Variants in ZC3H13 observed in about 807,000 individuals in gnomAD.
The protein encoded by ZC3H13 is zinc finger CCCH domain-containing protein 13.
ZC3H13 carries 64 observed loss-of-function variants against 204.1 expected under a neutral mutation model. The observed-to-expected ratio is 0.31, with a 90% CI of 0.26 to 0.39. ZC3H13 has a LOEUF of 0.39. ZC3H13 is among the 10% of genes least tolerant of loss of function. The pLI is 1.00. For synonymous variants in ZC3H13, 667 were observed against 693.7 expected, an observed-to-expected ratio of 0.96 and a Z score of 0.60; for missense variants, 1,833 against 2,082.7, an observed-to-expected ratio of 0.88 and a Z score of 2.33.
intron 17 of ZC3H13, chr13:45,962,501 T>G: frequency 1.0e-6 from 1 of 984,046 alleles, no homozygotes; most frequent in Non-Finnish European, 1.2e-6. Flanking sequence ...AGTTATTTGC[T>G]TAAGGTCACA....
chr13:45,959,947 ATTT>A, intron 17 of ZC3H13, among the ~76,000 whole-genome samples: 2 of 151,766 alleles, frequency 1.3e-5, no homozygotes, highest in East Asian at 1.9e-4. Context: ...ATTTTAAACA[ATTT>A]ATTTATTTAT....
At chr13:45,959,235 C>G (rs574189693) in intron 18 of ZC3H13, among the ~76,000 whole-genome samples, 1 of 152,148 alleles carries the variant, frequency 6.6e-6, no homozygotes, top group African/African-American at 2.4e-5. Context: ...TTGTTGAAAG[C>G]TTTTCACAAA....
At chr13:46,012,724 A>G (rs991551861) in intron 5 of ZC3H13, among the ~76,000 whole-genome samples, 4 of 152,214 alleles carry the variant, frequency 2.6e-5, no homozygotes, top group African/African-American at 9.6e-5. Flanking sequence ...CAATTACTAA[A>G]TATTTAATTA....
At chr13:45,967,410 C>A in intron 15 of ZC3H13, 94 bp downstream of exon 15, 4 of 1,405,418 alleles carry the variant, frequency 2.8e-6, no homozygotes, top group Non-Finnish European at 3.8e-6. Flanking sequence ...TCAATTTGCC[C>A]ATTAGTGGGT....
At chr13:46,044,289 A>T (rs1047216102) in intron 3 of ZC3H13, among the ~76,000 whole-genome samples, 6 of 152,172 alleles carry the variant, frequency 3.9e-5, no homozygotes, top group Admixed American at 6.5e-5. Flanking sequence ...TTCTTTACCA[A>T]TCAAGTTAAA....
At chr13:46,007,979 A>G (rs888470368) in intron 7 of ZC3H13, among the ~76,000 whole-genome samples, 1 of 152,222 alleles carries the variant, frequency 6.6e-6, no homozygotes. Flanking sequence ...ACCATATCTC[A>G]TATATCAGGA....
At chr13:45,968,599 G>T in intron 14 of ZC3H13, 149 bp downstream of exon 14, 2 of 954,716 alleles carry the variant, frequency 2.1e-6, no homozygotes, top group Non-Finnish European at 1.5e-6. Flanking sequence ...GTAACATTTT[G>T]ATAGGGCAGC....
At chr13:46,015,742 A>T (rs2041870631) in intron 5 of ZC3H13, among the ~76,000 whole-genome samples, 1 of 152,146 alleles carries the variant, frequency 6.6e-6, no homozygotes, top group African/African-American at 2.4e-5. Flanking sequence ...AGGCGTAGTT[A>T]GAATTTGTAC....
intron 7 of ZC3H13, among the ~76,000 whole-genome samples, chr13:46,008,970 C>T (rs751703567): frequency 5.9e-5 from 9 of 151,994 alleles, no homozygotes; most frequent in Non-Finnish European, 1.2e-4. Flanking sequence ...TATGAGAAGA[C>T]AGAACTATGA....
At chr13:46,017,975 C>A (rs890712750) in intron 5 of ZC3H13, among the ~76,000 whole-genome samples, 3 of 152,032 alleles carry the variant, frequency 2.0e-5, no homozygotes, top group Non-Finnish European at 4.4e-5. Flanking sequence ...ATATAAAAGG[C>A]TCTTGAAATA....
At chr13:46,029,961 A>C (rs964634298) in intron 4 of ZC3H13, among the ~76,000 whole-genome samples, 4 of 152,208 alleles carry the variant, frequency 2.6e-5, no homozygotes, top group Non-Finnish European at 5.9e-5. Context: ...ATGTTATGCA[A>C]ATTAGATATA....
chr13:46,025,415 TC>T (rs2042482447), intron 4 of ZC3H13, among the ~76,000 whole-genome samples: 1 of 152,116 alleles, frequency 6.6e-6, no homozygotes, highest in South Asian at 2.1e-4. Flanking sequence ...CAAGCAATCC[TC>T]CTGCCTCAGC....
intron 4 of ZC3H13, among the ~76,000 whole-genome samples, chr13:46,027,034 A>C (rs985386909): frequency 6.6e-6 from 1 of 152,240 alleles, no homozygotes; most frequent in Admixed American, 6.5e-5. Context: ...CAAATTCAAA[A>C]TCCTAAATGA....
At chr13:46,042,115 A>C (rs752664108) in intron 4 of ZC3H13, 49 bp downstream of exon 4, 4 of 1,416,688 alleles carry the variant, frequency 2.8e-6, no homozygotes, top group Non-Finnish European at 4.0e-6. Flanking sequence ...AACTCAAATT[A>C]ACAAATCACT....
At chr13:46,038,815 GT>G (rs2043374499) in intron 4 of ZC3H13, among the ~76,000 whole-genome samples, 1 of 152,142 alleles carries the variant, frequency 6.6e-6, no homozygotes, top group African/African-American at 2.4e-5. Flanking sequence ...AAGGTCAGGA[GT>G]TCAAGACCAG....
At chr13:45,995,003 A>C (rs2040228671) in intron 8 of ZC3H13, among the ~76,000 whole-genome samples, 1 of 121,140 alleles carries the variant, frequency 8.3e-6, no homozygotes. Flanking sequence ...CGGTCATTTA[A>C]CTATCAGTGA....
chr13:46,030,131 A>C (rs1406384606), intron 4 of ZC3H13, among the ~76,000 whole-genome samples: 1 of 152,230 alleles, frequency 6.6e-6, no homozygotes, highest in Admixed American at 6.5e-5. Flanking sequence ...GAAAACTCAC[A>C]TGATTATATC....
intron 4 of ZC3H13, among the ~76,000 whole-genome samples, chr13:46,040,396 A>G (rs1443389913): frequency 6.6e-6 from 1 of 152,144 alleles, no homozygotes; most frequent in Non-Finnish European, 1.5e-5. Context: ...TCCACATGCA[A>G]AAGAATAAGG....
intron 8 of ZC3H13, among the ~76,000 whole-genome samples, chr13:45,991,446 C>T (rs974263584): frequency 6.6e-6 from 1 of 152,174 alleles, no homozygotes; most frequent in Non-Finnish European, 1.5e-5. Context: ...TTTACTCAAC[C>T]TTCACCTACG....
Sources: allele counts gnomAD v4.1 joint callset (sites outside exome capture counted in the v4.1 genomes callset), GRCh38; gene constraint gnomAD v4.1.1; transcripts MANE v1.5; gene names NCBI Gene and HGNC (gene_info 2026-07-23, HGNC 2026-07-21).